The following FAM53B variants were observed in gnomAD, a reference collection of about 807,000 sequenced individuals.
FAM53B encodes the protein protein FAM53B.
In FAM53B, 12 loss-of-function variants were observed where a neutral mutation model predicts 32.7. The ratio of observed to expected loss-of-function variants is 0.37; its 90% confidence interval spans 0.24 to 0.59. The LOEUF (loss-of-function observed/expected upper bound fraction) is 0.59, where lower values mean the gene tolerates loss of function less well. Ranked by LOEUF, FAM53B falls within the 20% of genes least tolerant of loss-of-function variation. FAM53B has a pLI of 0.72. For synonymous variants in FAM53B, 234 were observed against 228.7 expected, an observed-to-expected ratio of 1.02 and a Z score of -0.21; for missense variants, 477 against 577.7, an observed-to-expected ratio of 0.83 and a Z score of 1.79.
rs532501086 is a variant in FAM53B, at chr10:124,691,842, C to A, written c.133+4316G>T. ...CCTTGACTGAGAGTCCACGCGTGGC[C>A]CCGCTTCTCCCCACACAGGATGACT... is the stretch of plus-strand genomic sequence containing the variant. On this transcript the variant is annotated intron_variant, in intron 3 of 4. Coordinates refer to ENST00000337318, the MANE Select transcript of FAM53B (RefSeq NM_014661.4). Among the ~76,000 whole-genome samples, 9 of 152,266 alleles carry A rather than the reference C, an allele frequency of 5.9e-5. 1 individual carries two copies. In the South Asian group the frequency reaches 1.9e-3, roughly 32 times the overall value.
Position 124,637,847 on chromosome 10 carries a change from C to G in FAM53B, c.907-14243G>C, listed in dbSNP as rs964411211. ...CTCTTCCTGCCATTGCATAGCCCAGCTGAAATGAAACAGCCACCCCAGCCC... is the reference window on the plus strand; with the variant it reads ...CTCTTCCTGCCATTGCATAGCCCAGGTGAAATGAAACAGCCACCCCAGCCC... On this transcript the variant is annotated intron_variant, in intron 4 of 4. Coordinates refer to ENST00000337318, the MANE Select transcript of FAM53B (RefSeq NM_014661.4). 2.3e-4 allele frequency among the ~76,000 whole-genome samples: 35 copies of G among 152,348 alleles called. 1 individual carries two copies. The highest frequency in any genetic ancestry group is 6.7e-4 in the African/African-American group (28 of 41,580).
chr10:124,629,633 C>G (rs1949378364), intron 4 of FAM53B, among the ~76,000 whole-genome samples: 2 of 152,146 alleles, frequency 1.3e-5, no homozygotes, highest in Non-Finnish European at 2.9e-5. Context: ...CAGAATTCTC[C>G]AAGTATCAAG....
chr10:124,734,715 C>T (rs891379113), intron 1 of FAM53B, among the ~76,000 whole-genome samples: 1 of 152,198 alleles, frequency 6.6e-6, no homozygotes, highest in Non-Finnish European at 1.5e-5. Context: ...ACACTCCATA[C>T]AAAGGGGTGT....
chr10:124,703,243 C>T (rs10736891), intron 2 of FAM53B, among the ~76,000 whole-genome samples: 132,870 of 152,116 alleles, frequency 0.87, 60,760 homozygotes, highest in Non-Finnish European at 1. Flanking sequence ...AGAGACGGGG[C>T]TTCACCATAT....
intron 2 of FAM53B, among the ~76,000 whole-genome samples, chr10:124,702,330 C>T: frequency 6.6e-6 from 1 of 152,222 alleles, no homozygotes; most frequent in East Asian, 1.9e-4. Context: ...GATGATGTTA[C>T]CAGTTTAGGA....
intron 4 of FAM53B, among the ~76,000 whole-genome samples, chr10:124,660,380 AATGCCCCAGAGTAATGCCATTTTCAT>A (rs1400531266): frequency 3.9e-5 from 6 of 152,242 alleles, no homozygotes; most frequent in African/African-American, 1.4e-4. Flanking sequence ...CGTCCAGAGG[AATGCCCCAGAGTAATGCCATTTTCAT>A]TGTAAAAATT....
intron 1 of FAM53B, among the ~76,000 whole-genome samples, chr10:124,710,224 G>A (rs116077006): frequency 1.6e-4 from 24 of 152,352 alleles, no homozygotes; most frequent in African/African-American, 5.8e-4. Context: ...CACTGCAGCT[G>A]TGGGGGCTCC....
chr10:124,727,444 G>A (rs1021952908), intron 1 of FAM53B, among the ~76,000 whole-genome samples: 1 of 151,896 alleles, frequency 6.6e-6, no homozygotes, highest in Non-Finnish European at 1.5e-5. Flanking sequence ...AGATTTAAGG[G>A]ACATATTTGT....
At chr10:124,679,400 G>A (rs1025687237) in intron 4 of FAM53B, among the ~76,000 whole-genome samples, 4 of 152,170 alleles carry the variant, frequency 2.6e-5, no homozygotes, top group East Asian at 1.9e-4. Context: ...GCACAAGGCC[G>A]TGCACTCGCC....
intron 3 of FAM53B, among the ~76,000 whole-genome samples, chr10:124,690,317 C>A (rs956100181): frequency 6.6e-6 from 1 of 152,228 alleles, no homozygotes; most frequent in East Asian, 1.9e-4. Flanking sequence ...ATGGGGGAAA[C>A]TGGGCTTCAG....
intron 3 of FAM53B, among the ~76,000 whole-genome samples, chr10:124,687,477 A>G (rs1949809715): frequency 6.6e-6 from 1 of 152,196 alleles, no homozygotes; most frequent in South Asian, 2.1e-4. Context: ...TAGGCATCTC[A>G]TACAGGGCAT....
At chr10:124,698,306 G>A (rs951775254) in intron 2 of FAM53B, among the ~76,000 whole-genome samples, 8 of 152,142 alleles carry the variant, frequency 5.3e-5, no homozygotes, top group Non-Finnish European at 5.9e-5. Context: ...GAAGCACCCC[G>A]CGTGCTTCAC....
intron 1 of FAM53B, chr10:124,714,109 G>T (rs899247096): frequency 7.9e-5 from 12 of 152,092 alleles, no homozygotes; most frequent in African/African-American, 2.7e-4. Flanking sequence ...AGGGTTCCGA[G>T]GGGAGCCGAA....
intron 4 of FAM53B, among the ~76,000 whole-genome samples, chr10:124,645,551 T>A (rs1274459169): frequency 6.6e-6 from 1 of 152,180 alleles, no homozygotes; most frequent in Non-Finnish European, 1.5e-5. Flanking sequence ...AGGCAGTTGC[T>A]AAGATCACTC....
chr10:124,648,266 A>T (rs948816049), intron 4 of FAM53B, among the ~76,000 whole-genome samples: 2 of 152,236 alleles, frequency 1.3e-5, no homozygotes, highest in Admixed American at 1.3e-4. Context: ...GGCACGGCAG[A>T]GGGCCAAGCC....
At chr10:124,691,959 G>A (rs1589752308) in intron 3 of FAM53B, among the ~76,000 whole-genome samples, 1 of 152,258 alleles carries the variant, frequency 6.6e-6, no homozygotes, top group African/African-American at 2.4e-5. Context: ...TGACCAGGGG[G>A]TGGGCCGCAC....
At chr10:124,623,862 A>C in intron 4 of FAM53B, 4 of 465,000 alleles carry the variant, frequency 8.6e-6, no homozygotes, top group East Asian at 7.6e-5. Flanking sequence ...CACAAATTTG[A>C]TGCAGACCCA....
rs953554433 is a variant in FAM53B, at chr10:124,682,170, G to A, written c.343C>T (p.Arg115Cys). The change falls in exon 4 of 5, where the codon CGC becomes TGC. Residue 115 changes from arginine to cysteine, a missense_variant. By Grantham distance (180) the Arg-to-Cys change is radical. Coordinates refer to ENST00000337318, the MANE Select transcript of FAM53B (RefSeq NM_014661.4). This position sits in a 1 kb window ranked among gnomAD's most constrained non-coding sequence, Gnocchi z 5.2. ...ATCTCATCGGAGAAGGACAGTGAGC[G>A]GCACTGGCGCTTGCTAGGGGGTGCT... ...PSAPPSKRQCRSLSFSDEMSS... is the reference protein window; with the variant it reads ...PSAPPSKRQCCSLSFSDEMSS... 18 of 1,613,446 alleles carry A rather than the reference G, an allele frequency of 1.1e-5. No homozygotes were observed. The highest frequency in any genetic ancestry group is 4.4e-5 in the South Asian group (4 of 90,988).
intron 3 of FAM53B, 35 bp downstream of exon 3, chr10:124,696,123 G>C (rs771906928): frequency 6.3e-7 from 1 of 1,583,420 alleles, no homozygotes; most frequent in Non-Finnish European, 8.7e-7. Context: ...GGAAGGACTA[G>C]GAGGACAGCT....
Sources: gnomAD v4.1 joint callset for allele counts (sites outside exome capture counted in the v4.1 genomes callset) on GRCh38, gnomAD v4.1.1 for gene constraint, Gnocchi (gnomAD v3.1) non-coding constraint, MANE v1.5 for transcripts, NCBI Gene and HGNC (gene_info 2026-07-23, HGNC 2026-07-21) for gene names.